The following FSTL4 variants were observed in gnomAD, a reference collection of about 807,000 sequenced individuals.
FSTL4 encodes the protein follistatin like 4.
FSTL4 carries 28 observed loss-of-function variants against 78.2 expected under a neutral mutation model. The observed-to-expected ratio is 0.36, with a 90% CI of 0.27 to 0.49. FSTL4 has a LOEUF of 0.49. Ranked by LOEUF, FSTL4 falls within the 20% of genes least tolerant of loss-of-function variation. FSTL4 has a pLI of 0.98. For synonymous variants in FSTL4, 422 were observed against 440.5 expected (o/e 0.96, Z 0.53); for missense variants, 922 against 1,084.9 (o/e 0.85, Z 2.11).
intron 7 of FSTL4, among the ~76,000 whole-genome samples, chr5:133,240,055 G>C (rs886325266): frequency 1.8e-4 from 27 of 152,320 alleles, no homozygotes; most frequent in Admixed American, 1.4e-3. Flanking sequence ...AATAAATGCT[G>C]CTGCTCACTC....
At chr5:133,317,982 C>T (rs1448980526) in intron 4 of FSTL4, among the ~76,000 whole-genome samples, 2 of 152,214 alleles carry the variant, frequency 1.3e-5, no homozygotes, top group South Asian at 4.1e-4. Context: ...TTTCCTCCCT[C>T]ATACCCTCCC....
At chr5:133,678,913 C>T in the FSTL4 span, among the ~76,000 whole-genome samples, 2 of 152,086 alleles carry the variant, frequency 1.3e-5, no homozygotes, top group African/African-American at 2.4e-5. Flanking sequence ...TGGCAGGATA[C>T]GGACAGAGAA....
intron 4 of FSTL4, among the ~76,000 whole-genome samples, chr5:133,357,340 C>T (rs778822167): frequency 7.9e-5 from 12 of 152,192 alleles, no homozygotes; most frequent in South Asian, 2.1e-4. Flanking sequence ...ACTTCCTTCA[C>T]TTTCTTCCCT....
chr5:133,459,290 G>A (rs979673108), intron 3 of FSTL4, among the ~76,000 whole-genome samples: 1 of 151,902 alleles, frequency 6.6e-6, no homozygotes, highest in Non-Finnish European at 1.5e-5. Context: ...CACCACCCTG[G>A]GGTCCGTGCA....
chr5:133,761,150 C>T, the FSTL4 span, among the ~76,000 whole-genome samples: 12 of 152,196 alleles, frequency 7.9e-5, no homozygotes, highest in African/African-American at 2.7e-4. Flanking sequence ...ACATTTCTTG[C>T]AATGTGATTA....
chr5:133,627,895 T>C, the FSTL4 span, among the ~76,000 whole-genome samples: 1 of 151,960 alleles, frequency 6.6e-6, no homozygotes, highest in Non-Finnish European at 1.5e-5. Context: ...TTATTCAATT[T>C]GTATTTATCT....
At chr5:133,467,614 C>A (rs1278518698) in intron 3 of FSTL4, among the ~76,000 whole-genome samples, 1 of 152,124 alleles carries the variant, frequency 6.6e-6, no homozygotes, top group Non-Finnish European at 1.5e-5. Context: ...TGAGTCAAGG[C>A]TGTGACGGAG....
At chr5:133,252,364 G>A (rs1201672502) in intron 6 of FSTL4, 1 of 152,178 alleles carries the variant, frequency 6.6e-6, no homozygotes, top group Non-Finnish European at 1.5e-5. Flanking sequence ...CCGCTTCTCA[G>A]GTGCGGCTCC....
At chr5:133,698,253 G>A in the FSTL4 span, among the ~76,000 whole-genome samples, 1 of 152,174 alleles carries the variant, frequency 6.6e-6, no homozygotes, top group Non-Finnish European at 1.5e-5. Flanking sequence ...AGATCCAGAA[G>A]CCAGGGGCTG....
At chr5:133,823,796 G>C in the FSTL4 span, among the ~76,000 whole-genome samples, 1 of 152,216 alleles carries the variant, frequency 6.6e-6, no homozygotes, top group African/African-American at 2.4e-5. Context: ...GCATGGGGAA[G>C]TCCTCATGCC....
intron 3 of FSTL4, among the ~76,000 whole-genome samples, chr5:133,540,572 A>T (rs143979383): frequency 1.3e-5 from 2 of 152,096 alleles, no homozygotes; most frequent in African/African-American, 4.8e-5. Flanking sequence ...TTTTGACCTG[A>T]AATCTTTTCT....
At chr5:133,245,212 C>T (rs1752003379) in intron 7 of FSTL4, among the ~76,000 whole-genome samples, 1 of 151,834 alleles carries the variant, frequency 6.6e-6, no homozygotes, top group Non-Finnish European at 1.5e-5. Context: ...CCAGGGAGAC[C>T]CTGGGGCACT....
At chr5:133,568,146 T>G (rs1047302138) in intron 2 of FSTL4, among the ~76,000 whole-genome samples, 3 of 152,114 alleles carry the variant, frequency 2.0e-5, no homozygotes, top group Non-Finnish European at 4.4e-5. Context: ...TCTAGAAGAA[T>G]GAAAAGTCCT....
chr5:133,264,583 C>T (rs1752603827), intron 6 of FSTL4, among the ~76,000 whole-genome samples: 1 of 152,264 alleles, frequency 6.6e-6, no homozygotes. Context: ...GGTGTCACCA[C>T]AATTTGCCTT....
chr5:133,811,328 T>C, the FSTL4 span, among the ~76,000 whole-genome samples: 1 of 152,130 alleles, frequency 6.6e-6, no homozygotes, highest in Non-Finnish European at 1.5e-5. Flanking sequence ...CCCTTTCATA[T>C]CTTTATTCTC....
intron 2 of FSTL4, among the ~76,000 whole-genome samples, chr5:133,602,685 G>A (rs983578256): frequency 7.9e-5 from 12 of 152,134 alleles, no homozygotes; most frequent in Non-Finnish European, 7.3e-5. Context: ...ATTAAATTGC[G>A]TCCTTCATGG....
chr5:133,723,039 G>A, the FSTL4 span, among the ~76,000 whole-genome samples: 1 of 152,180 alleles, frequency 6.6e-6, no homozygotes, highest in East Asian at 1.9e-4. Flanking sequence ...GTCTTACAGG[G>A]TACACTGGCA....
At chr5:133,799,187 T>C in the FSTL4 span, among the ~76,000 whole-genome samples, 24 of 137,004 alleles carry the variant, frequency 1.8e-4, 3 homozygotes, top group Admixed American at 1.8e-3. Flanking sequence ...TGTAAGCTAA[T>C]GTTCACAGGT....
chr5:133,254,138 C>T (rs1292311358), intron 6 of FSTL4, among the ~76,000 whole-genome samples: 2 of 152,182 alleles, frequency 1.3e-5, no homozygotes. Flanking sequence ...CTATTAATAG[C>T]TTAGGGGGAA....
Sources: gnomAD v4.1 joint callset for allele counts (sites outside exome capture counted in the v4.1 genomes callset) on GRCh38, gnomAD v4.1.1 for gene constraint, MANE v1.5 for transcripts, NCBI Gene and HGNC (gene_info 2026-07-23, HGNC 2026-07-21) for gene names.